Variants in WDR25 observed in about 807,000 individuals in gnomAD.
The protein encoded by WDR25 is WD repeat domain 25, also known as WD repeat-containing protein 25.
WDR25 carries 35 observed loss-of-function variants against 47.7 expected under a neutral mutation model. The ratio of observed to expected loss-of-function variants is 0.73; its 90% CI spans 0.56 to 0.97. WDR25 has a LOEUF of 0.97. Among genes scored for constraint, WDR25 ranks in the 50% least tolerant of loss-of-function variants. The pLI is 0.00. For synonymous variants in WDR25, 248 were observed against 278.9 expected (o/e 0.89, Z 1.10); for missense variants, 634 against 704.7 (o/e 0.90, Z 1.14).
intron 1 of WDR25, among the ~76,000 whole-genome samples, chr14:100,379,816 A>T (rs1241854353): frequency 6.6e-6 from 1 of 151,290 alleles, no homozygotes; most frequent in African/African-American, 2.4e-5. Flanking sequence ...ATCTCGGTTC[A>T]CTGCAACTTC....
intron 2 of WDR25, among the ~76,000 whole-genome samples, chr14:100,437,517 C>T (rs1475600535): frequency 6.6e-6 from 1 of 152,190 alleles, no homozygotes; most frequent in Non-Finnish European, 1.5e-5. Flanking sequence ...GGTTGCTTAA[C>T]TTCTGGCAGC....
intron 2 of WDR25, among the ~76,000 whole-genome samples, chr14:100,386,562 A>G (rs905533731): frequency 6.6e-6 from 1 of 152,246 alleles, no homozygotes; most frequent in African/African-American, 2.4e-5. Flanking sequence ...ATGGCTATAC[A>G]TAAATATTGT....
chr14:100,464,193 T>C (rs182444425), intron 2 of WDR25, among the ~76,000 whole-genome samples: 10 of 152,310 alleles, frequency 6.6e-5, no homozygotes, highest in African/African-American at 2.2e-4. Context: ...TGCTTGACCA[T>C]GCCAGGCATA....
chr14:100,495,854 TG>T (rs2140339116), intron 4 of WDR25, among the ~76,000 whole-genome samples: 1 of 152,376 alleles, frequency 6.6e-6, no homozygotes, highest in South Asian at 2.1e-4. Flanking sequence ...ATACACATTT[TG>T]TTTCTCCATT....
At chr14:100,384,932 A>C (rs1048494891) in intron 2 of WDR25, among the ~76,000 whole-genome samples, 2 of 152,192 alleles carry the variant, frequency 1.3e-5, no homozygotes, top group African/African-American at 4.8e-5. Flanking sequence ...CTGAGCCTTC[A>C]TTTGAGTATC....
In WDR25 at chr14:100,408,517, C is replaced by T. The variant is rs373805365; in HGVS notation, c.822+26771C>T. Among the ~76,000 whole-genome samples the T allele has an allele frequency of 2.4e-4, 37 of 152,196 alleles. 1 individual carries two copies. In the South Asian group the frequency reaches 7.5e-3, roughly 31 times the overall value. On this transcript the variant is annotated intron_variant, in intron 2 of 6. Coordinates refer to ENST00000402312, the MANE Select transcript of WDR25 (RefSeq NM_001161476.3). ...CTGTCTCTTTTCCCTCCAGCGCCCCCTCTGTGCCCCCCTCCAATCCCTGCT... is the reference window on the plus strand; with the variant it reads ...CTGTCTCTTTTCCCTCCAGCGCCCCTTCTGTGCCCCCCTCCAATCCCTGCT...
At chr14:100,487,749 A>G (rs779468036) in intron 4 of WDR25, 3 of 152,208 alleles carry the variant, frequency 2.0e-5, no homozygotes, top group Non-Finnish European at 2.9e-5. Flanking sequence ...ACAAACTATC[A>G]AGGTTGACTT....
chr14:100,513,017 A>T (rs535794004), intron 4 of WDR25, among the ~76,000 whole-genome samples: 34 of 152,288 alleles, frequency 2.2e-4, no homozygotes, highest in African/African-American at 6.3e-4. Context: ...CTATCTTGGT[A>T]AATGTTCTGT....
intron 2 of WDR25, among the ~76,000 whole-genome samples, chr14:100,442,875 G>T (rs1176645475): frequency 6.6e-6 from 1 of 152,238 alleles, no homozygotes; most frequent in Non-Finnish European, 1.5e-5. Context: ...GTGATTCAGA[G>T]AATCAGGACA....
At chr14:100,480,551 A>G (rs1469674478) in intron 3 of WDR25, among the ~76,000 whole-genome samples, 1 of 152,204 alleles carries the variant, frequency 6.6e-6, no homozygotes, top group Non-Finnish European at 1.5e-5. Flanking sequence ...TACTTTCTAA[A>G]AAATTTCTAC....
chr14:100,518,161 A>G (rs531029365), intron 4 of WDR25, among the ~76,000 whole-genome samples: 1 of 152,314 alleles, frequency 6.6e-6, no homozygotes, highest in African/African-American at 2.4e-5. Flanking sequence ...TTTTAGATAG[A>G]TCAGGTCTGT....
intron 4 of WDR25, among the ~76,000 whole-genome samples, chr14:100,517,216 C>T (rs1024956879): frequency 6.8e-6 from 1 of 146,770 alleles, no homozygotes; most frequent in Admixed American, 6.9e-5. Context: ...CCAGGGTTCA[C>T]GCCATTCTCC....
intron 2 of WDR25, among the ~76,000 whole-genome samples, chr14:100,462,630 T>C (rs1899452507): frequency 6.6e-6 from 1 of 152,218 alleles, no homozygotes; most frequent in Non-Finnish European, 1.5e-5. Flanking sequence ...TTGATGGATC[T>C]CCTTACATGT....
rs562895489 is a variant in WDR25 at position 100,449,309 on chromosome 14, G to A, written c.823-18712G>A. 3.9e-5 allele frequency among the ~76,000 whole-genome samples: 6 copies of A among 152,378 alleles called. No homozygotes were observed. In the East Asian group the frequency reaches 9.6e-4, roughly 24 times the overall value. On this transcript the variant is annotated intron_variant, in intron 2 of 6. Coordinates refer to ENST00000402312, the MANE Select transcript of WDR25 (RefSeq NM_001161476.3). This position sits in a 1 kb window ranked among gnomAD's most constrained non-coding sequence, Gnocchi z 4.2. ...CAGGGAGAACCGTGGCTTCGATAAT[G>A]GTATGGGCCTGTTGGAGCCTGGCTA... is the stretch of plus-strand genomic sequence containing the variant.
At position 100,452,724 on chromosome 14, in the gene WDR25, G is replaced by A. The variant is rs534792204; in HGVS notation, c.823-15297G>A. Among the ~76,000 whole-genome samples, 3 of 152,326 alleles carry A rather than the reference G, an allele frequency of 2.0e-5. No individual in the cohort carries two copies. The South Asian group carries it at 6.2e-4, about 32-fold the overall frequency. ...TGGGGGGCTATAACTCGACTCTGAT[G>A]CAGAGGTCCAGTCTGGCTGCTGTGT... is the stretch of plus-strand genomic sequence containing the variant. On this transcript the variant is annotated intron_variant, in intron 2 of 6. Transcript: ENST00000402312.
At position 100,529,268 on chromosome 14, in the gene WDR25, T is replaced by G; in HGVS notation, c.1413+60T>G. ...GCCCCAGCCCCAAGCCTCCTGGCAG[T>G]CCTGGACATGGGCCCTGGGGTGCAT... On this transcript the variant is annotated intron_variant, in intron 6 of 6. Transcript: ENST00000402312. This position sits in a 1 kb window ranked among gnomAD's most constrained non-coding sequence, Gnocchi z 5.1. 1 of 1,606,156 alleles carries G rather than the reference T, an allele frequency of 6.2e-7. No individual in the cohort carries two copies.
intron 4 of WDR25, among the ~76,000 whole-genome samples, chr14:100,508,010 T>C (rs1274468553): frequency 6.6e-6 from 1 of 152,166 alleles, no homozygotes; most frequent in Non-Finnish European, 1.5e-5. Context: ...TGAACATAGA[T>C]GCAGAAATCC....
chr14:100,460,162 G>C (rs1468201609), intron 2 of WDR25, among the ~76,000 whole-genome samples: 1 of 148,944 alleles, frequency 6.7e-6, no homozygotes, highest in Non-Finnish European at 1.5e-5. Flanking sequence ...GCCCAGGCTG[G>C]AGTGCAGTGG....
chr14:100,512,391 T>C (rs1901339503), intron 4 of WDR25, among the ~76,000 whole-genome samples: 1 of 152,204 alleles, frequency 6.6e-6, no homozygotes, highest in South Asian at 2.1e-4. Flanking sequence ...GCATAAAGTT[T>C]TTTGTAATGT....
Sources: allele counts gnomAD v4.1 joint callset (sites outside exome capture counted in the v4.1 genomes callset), GRCh38; gene constraint gnomAD v4.1.1; non-coding constraint Gnocchi (gnomAD v3.1); transcripts MANE v1.5; gene names NCBI Gene and HGNC (gene_info 2026-07-23, HGNC 2026-07-21).